Variants in KRIT1 observed in about 807,000 individuals in gnomAD.
The protein encoded by KRIT1 is krev interaction trapped protein 1.
In KRIT1, 45 loss-of-function variants were observed where a neutral mutation model predicts 95.8. The ratio of observed to expected loss-of-function variants is 0.47; its 90% CI spans 0.37 to 0.60. The LOEUF is 0.60. Among genes scored for constraint, KRIT1 ranks in the 20% least tolerant of loss-of-function variants. The pLI, the probability that KRIT1 is intolerant of heterozygous loss-of-function variation, is 0.00. For missense variants in KRIT1, 788 were observed against 877.5 expected, an observed-to-expected ratio of 0.90 and a Z score of 1.29; for synonymous variants, 282 against 278.8, an observed-to-expected ratio of 1.01 and a Z score of -0.11.
At position 92,200,063 on chromosome 7, in the gene KRIT1, A is replaced by G. The variant is rs1205657350; in HGVS notation, c.*673T>C. The G allele has an allele frequency of 6.5e-6, 1 of 152,680 alleles. No homozygotes were observed. The highest frequency in any genetic ancestry group is 1.5e-5 in the Non-Finnish European group (1 of 68,056). 9.5% of individuals were successfully genotyped at this position (152,680 alleles called of 1,614,324 possible). On this transcript the variant is annotated 3_prime_UTR_variant, in exon 19 of 19. Coordinates refer to ENST00000394505, the MANE Select transcript of KRIT1 (RefSeq NM_194454.3). Reference sequence around the variant, plus strand: ...TATTCAAATCATGTTGACGTTCAGTATATTTTGAAATACACATGAAGTTAT... The same window carrying G: ...TATTCAAATCATGTTGACGTTCAGTGTATTTTGAAATACACATGAAGTTAT...
rs369846564 is a variant in KRIT1, at chr7:92,211,494, T to A, written c.2025+1701A>T. ...AGGAGGTAGAGAGTTGAATGATGATTACCAGAGCTGGGAAGGGTAGGGTAG... is the reference window on the plus strand; with the variant it reads ...AGGAGGTAGAGAGTTGAATGATGATAACCAGAGCTGGGAAGGGTAGGGTAG... On this transcript the variant is annotated intron_variant, in intron 17 of 18. Transcript: ENST00000394505. Among the ~76,000 whole-genome samples, 4 of 152,228 alleles carry A rather than the reference T, an allele frequency of 2.6e-5. 1 individual carries two copies.
rs1793599775 is a variant in KRIT1 at position 92,214,724 on chromosome 7, T to C, written c.1617A>G (p.Leu539=). ...LILFDEARYN[L]LKGFYTAPDA... ...CAGGAGCTGTATAAAAGCCCTTCAA[T>C]AAATTATATCTGGCTTCATCAAAGA... Residue 539 remains leucine (L), a synonymous_variant, in exon 15 of 19, where the codon TTA becomes TTG. Coordinates refer to ENST00000394505, the MANE Select transcript of KRIT1 (RefSeq NM_194454.3). The C allele has an allele frequency of 6.2e-7, 1 of 1,607,664 alleles. No individual in the cohort carries two copies. The highest frequency in any genetic ancestry group is 1.1e-5 in the South Asian group (1 of 90,966).
In KRIT1 at chr7:92,200,050, GT is replaced by G. The variant is rs1232751202; in HGVS notation, c.*685del. 6.6e-6 allele frequency: 1 copy of G among 152,596 alleles called. No individual in the cohort carries two copies. Among genetic ancestry groups the G allele is most frequent in the Non-Finnish European group, 1.5e-5 (1 of 68,032 alleles). 9.5% of individuals were successfully genotyped at this position (152,596 alleles called of 1,614,324 possible). The stretch of plus-strand genomic sequence containing the variant: ...AATACATTTTCTTTATTCAAATCAT[GT>G]TGACGTTCAGTATATTTTGAAATAC... On this transcript the variant is annotated 3_prime_UTR_variant, in exon 19 of 19. Coordinates refer to ENST00000394505, the MANE Select transcript of KRIT1 (RefSeq NM_194454.3).
At chr7:92,202,158 A>G (rs1190446505) in intron 17 of KRIT1, 1 of 152,268 alleles carries the variant, frequency 6.6e-6, no homozygotes, top group Non-Finnish European at 1.5e-5. Context: ...ACTGAAAATA[A>G]GTACACTGAT....
chr7:92,200,754 G>A lies in KRIT1; in HGVS notation c.2193C>T (p.Pro731=), dbSNP rs778136104. 1.1e-5 allele frequency: 17 copies of A among 1,604,750 alleles called. No individual in the cohort carries two copies. The African/African-American group carries it at 2.1e-4, about 20-fold the overall frequency. ...LLMKLNGQLM[P]TERNS is the part of the protein sequence containing the mutation. ...TTCTCTTTCATGAATTTCTTTCAGT[G>A]GGCATTAACTGTCCATTTAGCTTCA... Residue 731 remains proline (P), a synonymous_variant, in exon 19 of 19, where the codon CCC becomes CCT. Coordinates refer to ENST00000394505, the MANE Select transcript of KRIT1 (RefSeq NM_194454.3).
At position 92,200,571 on chromosome 7, in the gene KRIT1, T is replaced by C; in HGVS notation, c.*165A>G. 1 of 646,714 alleles carries C rather than the reference T, an allele frequency of 1.5e-6. No homozygotes were observed. The highest frequency in any genetic ancestry group is 2.8e-6 in the Non-Finnish European group (1 of 351,952). The allele number at this position is 646,714 out of a possible 1,614,324, so 40.1% of individuals were successfully genotyped here. The stretch of plus-strand genomic sequence containing the variant: ...TTTCACCATGTTGGCCAGGCTGGTC[T>C]TGAACTCTGACTTCAGGTGATCCGC... On this transcript the variant is annotated 3_prime_UTR_variant, in exon 19 of 19. Coordinates refer to ENST00000394505, the MANE Select transcript of KRIT1 (RefSeq NM_194454.3).
At chr7:92,222,247 A>G (rs1270465901) in intron 13 of KRIT1, among the ~76,000 whole-genome samples, 194 bp from the exon 14 acceptor site, 2 of 152,184 alleles carry the variant, frequency 1.3e-5, no homozygotes, top group Non-Finnish European at 2.9e-5. Context: ...TATAAGAATT[A>G]TTAAAAATAA....
chr7:92,200,841 A>G (rs1220557272), intron 18 of KRIT1, 37 bp from the exon 19 acceptor site: 3 of 1,400,232 alleles, frequency 2.1e-6, no homozygotes, highest in Middle Eastern at 3.9e-4. Flanking sequence ...AATATAAAAC[A>G]TGTAAGAATC....
chr7:92,226,640 T>C lies in KRIT1; in HGVS notation c.1032A>G (p.Gly344=), dbSNP rs1038497839. Residue 344 remains glycine, a synonymous_variant, in exon 11 of 19, where the codon GGA becomes GGG. Transcript: ENST00000394505. The stretch of plus-strand genomic sequence containing the variant: ...CATTTAAAAGGTTTGGATTGCACTT[T>C]CCTTTCTCTAACAATATGCGAGTGG... The part of the protein sequence containing the change: ...VEATRILLEK[G]KCNPNLLNGQ... 6.2e-7 allele frequency: 1 copy of C among 1,613,552 alleles called. No homozygotes were observed. Among genetic ancestry groups the C allele is most frequent in the Non-Finnish European group, 8.5e-7 (1 of 1,179,652 alleles).
intron 17 of KRIT1, among the ~76,000 whole-genome samples, chr7:92,203,320 G>A (rs570702495): frequency 6.6e-6 from 1 of 152,336 alleles, no homozygotes; most frequent in African/African-American, 2.4e-5. Context: ...CAAGCTGGTT[G>A]TTCCCACATT....
chr7:92,245,217 G>C (rs1043921597), intron 1 of KRIT1, 46 bp from the exon 2 acceptor site: 2 of 151,852 alleles, frequency 1.3e-5, no homozygotes, highest in African/African-American at 4.8e-5. Context: ...GAGTTACAGG[G>C]GGAGAAGTGA....
chr7:92,215,235 G>A (rs1793708493), intron 14 of KRIT1, among the ~76,000 whole-genome samples: 1 of 152,006 alleles, frequency 6.6e-6, no homozygotes, highest in Non-Finnish European at 1.5e-5. Flanking sequence ...ATTATCATCA[G>A]TTTATAAATA....
intron 17 of KRIT1, among the ~76,000 whole-genome samples, chr7:92,209,199 T>G (rs79017227): frequency 0.11 from 17,291 of 151,424 alleles, 1,128 homozygotes; most frequent in East Asian, 0.36. Context: ...CATACTTCAA[T>G]CAATAAAGGC....
intron 14 of KRIT1, among the ~76,000 whole-genome samples, chr7:92,220,234 G>GA (rs1794852374): frequency 6.6e-6 from 1 of 152,128 alleles, no homozygotes; most frequent in East Asian, 1.9e-4. Flanking sequence ...TTTAAATCAT[G>GA]AAAGGGTGTT....
At chr7:92,242,194 A>C in intron 3 of KRIT1, 57 bp from the exon 4 acceptor site, 1 of 983,830 alleles carries the variant, frequency 1.0e-6, no homozygotes, top group Non-Finnish European at 1.6e-6. Context: ...TTTGATGGCA[A>C]GATAAAAAAA....
Position 92,234,553 on chromosome 7 carries a change from G to A in KRIT1, c.885C>T (p.Ser295=), listed in dbSNP as rs761571988. 13 of 1,612,882 alleles carry A rather than the reference G, an allele frequency of 8.1e-6. No homozygotes were observed. The Admixed American group carries it at 1.2e-4, about 14-fold the overall frequency. ...GTAATTCTGAATCTCCTTCACAGGC[G>A]CTTCGGTGGAGAGGAAAATCATCTA... is the stretch of plus-strand genomic sequence containing the variant. ...QWVDDFPLHR[S]ACEGDSELLS... Residue 295 remains serine, a synonymous_variant, in exon 10 of 19, where the codon AGC becomes AGT. Coordinates refer to ENST00000394505, the MANE Select transcript of KRIT1 (RefSeq NM_194454.3).
At chr7:92,225,963 G>A in intron 11 of KRIT1, 136 bp from the exon 12 acceptor site, 1 of 633,196 alleles carries the variant, frequency 1.6e-6, no homozygotes. Flanking sequence ...AACCACACTT[G>A]GTATGTATTA....
intron 3 of KRIT1, among the ~76,000 whole-genome samples, chr7:92,242,410 T>C (rs576471354): frequency 6.6e-6 from 1 of 152,306 alleles, no homozygotes; most frequent in South Asian, 2.1e-4. Context: ...CATTTTAAAA[T>C]AGGGTTATAC....
chr7:92,226,255 T>C (rs895290402), intron 11 of KRIT1, among the ~76,000 whole-genome samples: 12 of 152,228 alleles, frequency 7.9e-5, no homozygotes, highest in African/African-American at 2.6e-4. Context: ...TTAATGCCAC[T>C]GAACTGTACG....
Sources: allele counts gnomAD v4.1 joint callset (sites outside exome capture counted in the v4.1 genomes callset), GRCh38; gene constraint gnomAD v4.1.1; transcripts MANE v1.5; gene names NCBI Gene and HGNC (gene_info 2026-07-23, HGNC 2026-07-21).